NTF4: variants seen among roughly 807,000 people sequenced by gnomAD.
NTF4 encodes the protein neurotrophin 4, also known as neurotrophin-4.
Under a neutral mutation model 4.4 loss-of-function variants are expected in NTF4, and 2 were observed. That is an observed-to-expected ratio of 0.46 (90% CI 0.19 to 1.44). The LOEUF (loss-of-function observed/expected upper bound fraction) is 1.44, where lower values mean the gene tolerates loss of function less well. NTF4 is among the 40% of genes most tolerant of loss of function. The pLI is 0.26. For synonymous variants in NTF4, 127 were observed against 122.0 expected, an observed-to-expected ratio of 1.04 and a Z score of -0.27; for missense variants, 260 against 293.0, an observed-to-expected ratio of 0.89 and a Z score of 0.82.
At chr19:49,062,892 G>A (rs1308050024), upstream of NTF4, among the ~76,000 whole-genome samples, 1 of 152,140 alleles carries the variant, frequency 6.6e-6, no homozygotes. Flanking sequence ...ATTTGTGCCC[G>A]GTCACACAGC....
Position 49,061,110 on chromosome 19 carries a change from C to A in NTF4, c.*255G>T. On this transcript the variant is annotated 3_prime_UTR_variant, in exon 1 of 1. Coordinates refer to ENST00000593537, the Ensembl canonical transcript of NTF4. This position sits in a 1 kb window ranked among gnomAD's most constrained non-coding sequence, Gnocchi z 4.9. ...GGAGTTATGTATTAGGGATAAGAAA[C>A]AGTAAACACTCAGTAAATAGTGGCT... 1.6e-6 allele frequency: 1 copy of A among 607,384 alleles called. No homozygotes were observed. The allele number at this position is 607,384 out of a possible 1,614,324, so 37.6% of individuals were successfully genotyped here.
At chr19:49,058,616 A>C (rs561282669), downstream of NTF4, 1 of 415,678 alleles carries the variant, frequency 2.4e-6, no homozygotes, top group Non-Finnish European at 4.3e-6. Context: ...GCCCACCTGC[A>C]CCGTGGGCGG....
In NTF4 at chr19:49,061,400, C is replaced by T. The variant is rs200081067; in HGVS notation, c.598G>A (p.Val200Ile). ...CCAGTCCGGCTGAGGAGTGTGCAGACGCAGGCAGTGTCAATTCGAATCCAT... is the reference window on the plus strand; with the variant it reads ...CCAGTCCGGCTGAGGAGTGTGCAGATGCAGGCAGTGTCAATTCGAATCCAT... The change falls in exon 1 of 1, where the codon GTC (valine) becomes ATC (isoleucine). Residue 200 changes from valine to isoleucine, a missense_variant. Transcript: ENST00000593537. This position sits in a 1 kb window ranked among gnomAD's most constrained non-coding sequence, Gnocchi z 4.9. 83 of 1,613,010 alleles carry T rather than the reference C, an allele frequency of 5.1e-5. No individual in the cohort carries two copies. Among genetic ancestry groups the T allele is most frequent in the Non-Finnish European group, 6.4e-5 (75 of 1,180,040 alleles).
At chr19:49,062,566 C>T (rs1304362746), upstream of NTF4, among the ~76,000 whole-genome samples, 1 of 152,112 alleles carries the variant, frequency 6.6e-6, no homozygotes, top group Non-Finnish European at 1.5e-5. Context: ...GGGCGGCTCA[C>T]CTGAGGTGAG....
At chr19:49,059,921 C>T (rs1401539653), downstream of NTF4, among the ~76,000 whole-genome samples, 8 of 151,270 alleles carry the variant, frequency 5.3e-5, no homozygotes, top group Non-Finnish European at 1.0e-4. Flanking sequence ...TGGTGGCGCA[C>T]ACCTGTAATC....
downstream of NTF4, chr19:49,058,842 C>A: frequency 6.4e-6 from 1 of 155,954 alleles, no homozygotes; most frequent in Non-Finnish European, 1.4e-5. Flanking sequence ...CCCGCCCACC[C>A]CAATCCAGCC....
At chr19:49,063,493 A>G (rs2040178189), upstream of NTF4, among the ~76,000 whole-genome samples, 1 of 151,918 alleles carries the variant, frequency 6.6e-6, no homozygotes, top group Non-Finnish European at 1.5e-5. Context: ...ACATTCCACA[A>G]TTTAGAGAAA....
At chr19:49,062,018 A>G, upstream of NTF4, 2 of 1,443,274 alleles carry the variant, frequency 1.4e-6, no homozygotes, top group Non-Finnish European at 1.8e-6. Flanking sequence ...ACCTGGAGAC[A>G]GAAAGAGGGA....
rs374367338 is a variant in NTF4 at position 49,061,732 on chromosome 19, C to T, written c.266G>A (p.Ser89Asn). The T allele has an allele frequency of 2.3e-4, 369 of 1,611,946 alleles. 1 individual carries two copies. Among genetic ancestry groups the T allele is most frequent in the Non-Finnish European group, 3.1e-4 (361 of 1,179,426 alleles). Residue 89 changes from serine (S) to asparagine (N), a missense_variant, in exon 1 of 1, where the codon AGT becomes AAT. Coordinates refer to ENST00000593537, the Ensembl canonical transcript of NTF4. The surrounding 1 kb of genome is among the most constrained non-coding windows in gnomAD (Gnocchi z 4.9). ...GCACACAGCCAGCTCACCCCGACGA[C>T]TCGCTGGTGCAGTTTCGCTCACCCC... is the stretch of plus-strand genomic sequence containing the variant.
In NTF4 at chr19:49,061,134, CTAT is replaced by C; in HGVS notation, c.*228_*230del. 3 of 678,966 alleles carry C rather than the reference CTAT, an allele frequency of 4.4e-6. No individual in the cohort carries two copies. Among genetic ancestry groups the C allele is most frequent in the Non-Finnish European group, 7.3e-6 (3 of 411,424 alleles). 42.1% of individuals were successfully genotyped at this position (678,966 alleles called of 1,614,324 possible). A position where few individuals can be genotyped will look rare whatever the true frequency, so the allele number is the denominator to read the frequency against. On this transcript the variant is annotated 3_prime_UTR_variant, in exon 1 of 1. Coordinates refer to ENST00000593537, the Ensembl canonical transcript of NTF4. The surrounding 1 kb of genome is among the most constrained non-coding windows in gnomAD (Gnocchi z 4.9). ...ACAGTAAACACTCAGTAAATAGTGG[CTAT>C]TATTATTATATCATCATCATTATTA...
At chr19:49,064,584 A>G, upstream of NTF4, 1 of 151,636 alleles carries the variant, frequency 6.6e-6, no homozygotes, top group Non-Finnish European at 1.4e-5. Flanking sequence ...CCTGGAGTCC[A>G]GGTCCCCAGC....
At chr19:49,058,898 C>T (rs1354597291), downstream of NTF4, 4 of 152,928 alleles carry the variant, frequency 2.6e-5, no homozygotes, top group South Asian at 8.3e-4. Flanking sequence ...GATTAAGAGA[C>T]CCAGAGACAG....
downstream of NTF4, chr19:49,058,300 C>G: frequency 6.6e-7 from 1 of 1,508,472 alleles, no homozygotes; most frequent in Non-Finnish European, 8.8e-7. Context: ...AGCCCAGATG[C>G]GAGAATCCTG....
At chr19:49,059,347 G>A (rs548019955), downstream of NTF4, among the ~76,000 whole-genome samples, 1 of 152,188 alleles carries the variant, frequency 6.6e-6, no homozygotes, top group Non-Finnish European at 1.5e-5. Flanking sequence ...GGGATCTAGA[G>A]AGAAGTGCAC....
downstream of NTF4, among the ~76,000 whole-genome samples, chr19:49,059,650 T>TGA (rs141173139): frequency 1.2e-4 from 18 of 150,558 alleles, no homozygotes; most frequent in South Asian, 2.1e-4. Context: ...AAGCTGGACC[T>TGA]GAGAGAGAGA....
At chr19:49,060,328 C>A (rs2040117184), downstream of NTF4, among the ~76,000 whole-genome samples, 1 of 151,954 alleles carries the variant, frequency 6.6e-6, no homozygotes, top group African/African-American at 2.4e-5. Context: ...TCAAGCTGGA[C>A]AAAATTTTTT....
At chr19:49,064,919 G>A (rs573996923), upstream of NTF4, 33 of 152,288 alleles carry the variant, frequency 2.2e-4, no homozygotes, top group African/African-American at 7.5e-4. Flanking sequence ...CAGGACGCCG[G>A]AATCCCGAGG....
chr19:49,062,103 A>G, upstream of NTF4: 1 of 1,354,918 alleles, frequency 7.4e-7, no homozygotes, highest in South Asian at 1.7e-5. Flanking sequence ...CTTGCCTGCC[A>G]GGATTGTGGG....
At chr19:49,060,300 C>T (rs2052033177), downstream of NTF4, among the ~76,000 whole-genome samples, 1 of 151,994 alleles carries the variant, frequency 6.6e-6, no homozygotes. Context: ...ATGAGTTAGT[C>T]AGAAACTCAT....
Sources: gnomAD v4.1 joint callset for allele counts (sites outside exome capture counted in the v4.1 genomes callset) on GRCh38, gnomAD v4.1.1 for gene constraint, Gnocchi (gnomAD v3.1) non-coding constraint, MANE v1.5 for transcripts, NCBI Gene and HGNC (gene_info 2026-07-23, HGNC 2026-07-21) for gene names.